The following CYP2S1 variants were observed in gnomAD, a reference collection of about 807,000 sequenced individuals.
CYP2S1 encodes cytochrome P450 2S1.
Under a neutral mutation model 43.5 loss-of-function variants are expected in CYP2S1, and 32 were observed. The observed-to-expected ratio is 0.74, with a 90% CI of 0.56 to 0.99. The LOEUF (loss-of-function observed/expected upper bound fraction) is 0.99. Among genes scored for constraint, CYP2S1 ranks in the 50% least tolerant of loss-of-function variants. CYP2S1 has a pLI of 0.00. For synonymous variants in CYP2S1, 283 were observed against 302.9 expected, an observed-to-expected ratio of 0.93 and a Z score of 0.68; for missense variants, 575 against 673.9, an observed-to-expected ratio of 0.85 and a Z score of 1.62.
chr19:41,197,740 G>A (rs1256239050), intron 2 of CYP2S1, 39 bp from the exon 3 acceptor site: 1 of 1,605,618 alleles, frequency 6.2e-7, no homozygotes, highest in Non-Finnish European at 8.5e-7. Context: ...GAATGGGGGA[G>A]AGGGGCCGGT....
intron 2 of CYP2S1, among the ~76,000 whole-genome samples, chr19:41,195,863 C>G (rs1304383648): frequency 1.3e-5 from 2 of 151,982 alleles, no homozygotes; most frequent in African/African-American, 4.8e-5. Flanking sequence ...GCCTGGGCAA[C>G]ATGGTGAGAC....
chr19:41,205,392 CTTTCTT>C (rs1172076828), intron 7 of CYP2S1, among the ~76,000 whole-genome samples: 30 of 67,986 alleles, frequency 4.4e-4, no homozygotes, highest in African/African-American at 1.2e-3. Flanking sequence ...CTCTCTCTCT[CTTTCTT>C]TCTCTCTTTC....
intron 2 of CYP2S1, 22 bp from the exon 3 acceptor site, chr19:41,197,757 T>C: frequency 4.3e-6 from 7 of 1,612,476 alleles, no homozygotes; most frequent in Non-Finnish European, 5.9e-6. Flanking sequence ...CGGTCCCTTT[T>C]TGAGTCTAGC....
rs752923123 is a variant in CYP2S1 at position 41,198,529 on chromosome 19, T to A, written c.561T>A (p.Phe187Leu). 1 of 1,614,170 alleles carries A rather than the reference T, an allele frequency of 6.2e-7. No individual in the cohort carries two copies. Among genetic ancestry groups the A allele is most frequent in the Non-Finnish European group, 8.5e-7 (1 of 1,180,018 alleles). Reference protein sequence around the residue: ...ATSNVVCSLLFGLRFSYEDKE... With the variant: ...ATSNVVCSLLLGLRFSYEDKE... Reference sequence around the variant, plus strand: ...CCAACGTAGTCTGCTCCCTCCTCTTTGGCCTCCGCTTCTCCTATGAGGATA... The same window carrying A: ...CCAACGTAGTCTGCTCCCTCCTCTTAGGCCTCCGCTTCTCCTATGAGGATA... Residue 187 changes from phenylalanine (F) to leucine (L), a missense_variant, in exon 4 of 9, where the codon TTT (phenylalanine) becomes TTA (leucine). Coordinates refer to ENST00000310054, the MANE Select transcript of CYP2S1 (RefSeq NM_030622.8). The surrounding 1 kb of genome is among the most constrained non-coding windows in gnomAD (Gnocchi z 4.9).
intron 5 of CYP2S1, among the ~76,000 whole-genome samples, chr19:41,199,099 G>A (rs544131990): frequency 9.2e-5 from 14 of 151,960 alleles, no homozygotes; most frequent in African/African-American, 1.7e-4. Flanking sequence ...TGCCTCTCCC[G>A]CCCCCGACCT....
At chr19:41,205,380 T>TTCTTTCTTTCTTTCTTTCTTTCTC (rs1555727582) in intron 7 of CYP2S1, among the ~76,000 whole-genome samples, 1 of 127,660 alleles carries the variant, frequency 7.8e-6, no homozygotes, top group Non-Finnish European at 1.8e-5. Context: ...CTTTCTTTCT[T>TTCTTTCTTTCTTTCTTTCTTTCTC]TCTCTCTCTC....
chr19:41,197,528 A>G (rs1011319950), intron 2 of CYP2S1, among the ~76,000 whole-genome samples: 6 of 151,922 alleles, frequency 3.9e-5, no homozygotes, highest in African/African-American at 1.2e-4. Context: ...GTGAAACCCC[A>G]TCTCTACTAA....
At chr19:41,195,235 A>G (rs2033396858) in intron 2 of CYP2S1, among the ~76,000 whole-genome samples, 1 of 152,236 alleles carries the variant, frequency 6.6e-6, no homozygotes, top group African/African-American at 2.4e-5. Flanking sequence ...ATAACCATCA[A>G]TGATCCAGGT....
intron 5 of CYP2S1, 117 bp from the exon 6 acceptor site, chr19:41,201,114 T>G: frequency 7.2e-7 from 1 of 1,387,260 alleles, no homozygotes; most frequent in Non-Finnish European, 9.6e-7. Context: ...TCCCAAAAAT[T>G]TATCTAAACC....
chr19:41,197,423 G>A (rs984868074), intron 2 of CYP2S1, among the ~76,000 whole-genome samples: 7 of 152,048 alleles, frequency 4.6e-5, no homozygotes, highest in African/African-American at 9.7e-5. Context: ...GGAATCGGCC[G>A]GGCGCGGTGG....
At position 41,206,478 on chromosome 19, in the gene CYP2S1, A is replaced by G. The variant is rs1196120054; in HGVS notation, c.1505A>G (p.Gln502Arg). 17 of 1,613,986 alleles carry G rather than the reference A, an allele frequency of 1.1e-5. No homozygotes were observed. The East Asian group carries it at 3.8e-4, about 36-fold the overall frequency. ...CCCACTGACCTTCACTCCACCACGC[A>G]GACCAGATGAAGGAAGGCAACTTGG... ...VRPTDLHSTTQTR is the reference protein window; with the variant it reads ...VRPTDLHSTTRTR The change falls in exon 9 of 9, where the codon CAG becomes CGG. Residue 502 changes from glutamine (Q) to arginine (R), a missense_variant. Around this residue, in one of 2 missense-constraint regions of CYP2S1, gnomAD observed 222 missense variants for 306.3 expected, o/e 0.72. Transcript: ENST00000310054.
chr19:41,206,570 A>G lies in CYP2S1; in HGVS notation c.*82A>G. ...GGGCATGGACAGGGTTAATGTCTCCAGAGTGTACACTGCAGGCAGCCACAT... is the reference window on the plus strand; with the variant it reads ...GGGCATGGACAGGGTTAATGTCTCCGGAGTGTACACTGCAGGCAGCCACAT... On this transcript the variant is annotated 3_prime_UTR_variant, in exon 9 of 9. Coordinates refer to ENST00000310054, the MANE Select transcript of CYP2S1 (RefSeq NM_030622.8). The G allele has an allele frequency of 6.5e-7, 1 of 1,539,152 alleles. No homozygotes were observed. The highest frequency in any genetic ancestry group is 9.0e-7 in the Non-Finnish European group (1 of 1,114,424).
Position 41,205,972 on chromosome 19 carries a change from C to T in CYP2S1, c.1179C>T (p.Phe393=), listed in dbSNP as rs2033570711. 6.2e-7 allele frequency: 1 copy of T among 1,613,752 alleles called. No individual in the cohort carries two copies. Among genetic ancestry groups the T allele is most frequent in the South Asian group, 1.1e-5 (1 of 91,066 alleles). ...TTTCCCCTCAGGGCACGGAGGTCTT[C>T]CCCCTCCTTGGCTCCATCCTGCATG... ...GYTLPQGTEV[F]PLLGSILHDP... The change falls in exon 8 of 9, where the codon TTC becomes TTT. Residue 393 remains phenylalanine (F), a synonymous_variant. Coordinates refer to ENST00000310054, the MANE Select transcript of CYP2S1 (RefSeq NM_030622.8).
chr19:41,198,333 A>AG lies in CYP2S1; in HGVS notation c.494-128dup. On this transcript the variant is annotated intron_variant, in intron 3 of 8. Transcript: ENST00000310054. This position sits in a 1 kb window ranked among gnomAD's most constrained non-coding sequence, Gnocchi z 4.9. ...TGTCTGTATCCTTCTTTGCCTGTTT[A>AG]GCTCTCTCCCTGCGCTGTCCATCCA... is the stretch of plus-strand genomic sequence containing the variant. 4 of 1,202,750 alleles carry AG rather than the reference A, an allele frequency of 3.3e-6. No homozygotes were observed. Among genetic ancestry groups the AG allele is most frequent in the Non-Finnish European group, 4.7e-6 (4 of 854,958 alleles). The allele number at this position is 1,202,750 out of a possible 1,614,324, so 74.5% of individuals were successfully genotyped here.
intron 7 of CYP2S1, 108 bp from the exon 8 acceptor site, chr19:41,205,850 G>T (rs338586): frequency 0.46 from 645,920 of 1,396,428 alleles, 152,018 homozygotes; most frequent in African/African-American, 0.69. Context: ...GATGCCATTA[G>T]GTTTTGTGAA....
At chr19:41,205,366 CTTTCTTTCTTTCTT>C (rs1217947157) in intron 7 of CYP2S1, among the ~76,000 whole-genome samples, 14 of 82,304 alleles carry the variant, frequency 1.7e-4, no homozygotes, top group African/African-American at 4.9e-4. Context: ...TTCTTTCTTT[CTTTCTTTCTTTCTT>C]TCTCTCTCTC....
At position 41,198,690 on chromosome 19, in the gene CYP2S1, G is replaced by T; in HGVS notation, c.655-19G>T. ...TCCTGCCAAGGTCCCATGAGAACTA[G>T]CTGCCCTTCTCCCCACAGACCTACG... On this transcript the variant is annotated intron_variant, in intron 4 of 8. Transcript: ENST00000310054. This position sits in a 1 kb window ranked among gnomAD's most constrained non-coding sequence, Gnocchi z 4.9. 6.2e-7 allele frequency: 1 copy of T among 1,613,532 alleles called. No individual in the cohort carries two copies. Among genetic ancestry groups the T allele is most frequent in the Non-Finnish European group, 8.5e-7 (1 of 1,179,690 alleles).
chr19:41,201,101 C>G (rs538829401), intron 5 of CYP2S1, 130 bp from the exon 6 acceptor site: 22 of 1,279,558 alleles, frequency 1.7e-5, no homozygotes. Flanking sequence ...TACTTCCCAA[C>G]CTTCCCAAAA....
intron 6 of CYP2S1, among the ~76,000 whole-genome samples, chr19:41,202,342 C>A (rs1056543797): frequency 6.6e-6 from 1 of 152,100 alleles, no homozygotes; most frequent in African/African-American, 2.4e-5. Flanking sequence ...GACGGGCTGA[C>A]CTGGAATATG....
Sources: gnomAD v4.1 joint callset for allele counts (sites outside exome capture counted in the v4.1 genomes callset) on GRCh38, gnomAD v4.1.1 for gene constraint, gnomAD v4.1.1 regional missense constraint, Gnocchi (gnomAD v3.1) non-coding constraint, MANE v1.5 for transcripts, NCBI Gene and HGNC (gene_info 2026-07-23, HGNC 2026-07-21) for gene names.